Variants in COL23A1 observed in about 807,000 individuals in gnomAD.
The protein encoded by COL23A1 is collagen type XXIII alpha 1 chain.
A neutral mutation model predicts 99.3 loss-of-function variants in COL23A1; 97 were observed. The observed-to-expected ratio is 0.98, with a 90% confidence interval of 0.83 to 1.16. COL23A1 has a LOEUF of 1.16. Ranked by LOEUF, COL23A1 falls within the 50% of genes most tolerant of loss-of-function variation. The probability of loss-of-function intolerance (pLI) is 0.00; values close to 1 mark genes in which losing one functional copy is unlikely to be tolerated. For missense variants in COL23A1, 762 were observed against 757.4 expected, an observed-to-expected ratio of 1.01 and a Z score of -0.07; for synonymous variants, 320 against 308.2, an observed-to-expected ratio of 1.04 and a Z score of -0.40.
intron 2 of COL23A1, among the ~76,000 whole-genome samples, chr5:178,364,959 G>C (rs898578175): frequency 4.6e-5 from 7 of 152,190 alleles, no homozygotes; most frequent in Non-Finnish European, 5.9e-5. Context: ...TGGGCTCCGA[G>C]CTGCTCACTC....
intron 1 of COL23A1, among the ~76,000 whole-genome samples, chr5:178,570,999 A>G (rs1164151570): frequency 2.0e-5 from 3 of 152,142 alleles, no homozygotes. Flanking sequence ...GACAGCATTC[A>G]CACTGGGGCC....
At chr5:178,358,617 GTA>G (rs1453158693) in intron 2 of COL23A1, among the ~76,000 whole-genome samples, 76 of 147,714 alleles carry the variant, frequency 5.1e-4, no homozygotes, top group Middle Eastern at 7.8e-3. Context: ...ATGCGTGTAT[GTA>G]TGTGTGTATG....
chr5:178,305,922 C>T (rs1561845041), intron 3 of COL23A1, among the ~76,000 whole-genome samples: 1 of 152,106 alleles, frequency 6.6e-6, no homozygotes, highest in African/African-American at 2.4e-5. Flanking sequence ...TGCCTCCTCC[C>T]TGTGACGGGG....
intron 2 of COL23A1, among the ~76,000 whole-genome samples, chr5:178,457,603 C>T (rs1755863942): frequency 6.6e-6 from 1 of 152,122 alleles, no homozygotes; most frequent in Non-Finnish European, 1.5e-5. Context: ...GAATATTATG[C>T]CCCCATTAAA....
intron 2 of COL23A1, among the ~76,000 whole-genome samples, chr5:178,482,906 A>T (rs1757418425): frequency 6.6e-6 from 1 of 151,980 alleles, no homozygotes; most frequent in Non-Finnish European, 1.5e-5. Flanking sequence ...CATCTCAAAA[A>T]AAAAAGAAAA....
At chr5:178,506,334 G>A (rs1423885559) in intron 2 of COL23A1, among the ~76,000 whole-genome samples, 3 of 152,214 alleles carry the variant, frequency 2.0e-5, no homozygotes. Context: ...ACTGCAGCCT[G>A]CACACCAGGG....
At chr5:178,256,500 C>T (rs968615104) in intron 14 of COL23A1, 103 bp from the exon 15 acceptor site, 9 of 1,130,930 alleles carry the variant, frequency 8.0e-6, no homozygotes, top group East Asian at 2.6e-5. Flanking sequence ...GCCCAGGGCC[C>T]GAGTGCTGGA....
intron 9 of COL23A1, 106 bp downstream of exon 9, chr5:178,263,102 T>A (rs1309468047): frequency 2.5e-5 from 21 of 843,018 alleles, no homozygotes; most frequent in Non-Finnish European, 4.4e-5. Context: ...TTAAGGATAG[T>A]GTGGGGTCTG....
chr5:178,557,074 CG>C (rs535105115), intron 2 of COL23A1, among the ~76,000 whole-genome samples: 74 of 152,330 alleles, frequency 4.9e-4, no homozygotes, highest in Middle Eastern at 3.4e-3. Flanking sequence ...AAGGTGTCTG[CG>C]GGGCGGGCTC....
At chr5:178,425,353 T>C (rs147159501) in intron 2 of COL23A1, among the ~76,000 whole-genome samples, 10,035 of 151,384 alleles carry the variant, frequency 0.066, 1,029 homozygotes, top group East Asian at 0.49. Context: ...ACCCAGGAGG[T>C]GGAGGTTGCA....
intron 2 of COL23A1, among the ~76,000 whole-genome samples, chr5:178,364,536 T>G (rs1762358757): frequency 6.6e-6 from 1 of 151,126 alleles, no homozygotes; most frequent in African/African-American, 2.5e-5. Flanking sequence ...GAGGCCATGA[T>G]CATCCCTCAC....
intron 2 of COL23A1, among the ~76,000 whole-genome samples, chr5:178,448,937 CT>C (rs1321066505): frequency 1.3e-5 from 2 of 150,630 alleles, no homozygotes; most frequent in African/African-American, 2.4e-5. Flanking sequence ...ATAAACCATG[CT>C]TTTTTGTCAC....
At chr5:178,467,088 A>T (rs1756464633) in intron 2 of COL23A1, among the ~76,000 whole-genome samples, 1 of 152,256 alleles carries the variant, frequency 6.6e-6, no homozygotes, top group Non-Finnish European at 1.5e-5. Flanking sequence ...TAAGTTGGAG[A>T]AACTCGTGAG....
At position 178,252,566 on chromosome 5, in the gene COL23A1, G is replaced by A; in HGVS notation, c.992C>T (p.Pro331Leu). The change falls in exon 17 of 29, where the codon CCA becomes CTA. Residue 331 changes from proline (P) to leucine (L), a missense_variant. By Grantham distance (98) the Pro-to-Leu change is moderately conservative. Coordinates refer to ENST00000390654, the MANE Select transcript of COL23A1 (RefSeq NM_173465.4). ...GACCTTGGCTCCAGGGATCCCTGGT[G>A]GCCCTGGGGGCCCCTGTGGTCCGGG... ...GPPGPQGPPGPPGIPGAKGEL... is the reference protein window; with the variant it reads ...GPPGPQGPPGLPGIPGAKGEL... The A allele has an allele frequency of 6.2e-7, 1 of 1,611,930 alleles. No homozygotes were observed. Among genetic ancestry groups the A allele is most frequent in the Non-Finnish European group, 8.5e-7 (1 of 1,179,172 alleles).
At chr5:178,555,288 A>AC (rs1762207224) in intron 2 of COL23A1, among the ~76,000 whole-genome samples, 1 of 152,180 alleles carries the variant, frequency 6.6e-6, no homozygotes, top group African/African-American at 2.4e-5. Context: ...GAGGGTTAGG[A>AC]CTTCAAGATA....
intron 2 of COL23A1, among the ~76,000 whole-genome samples, chr5:178,497,195 G>A (rs1758242555): frequency 6.6e-6 from 1 of 152,152 alleles, no homozygotes; most frequent in South Asian, 2.1e-4. Flanking sequence ...ACAAAACCAT[G>A]AGCTGTGCAG....
At chr5:178,241,816 T>C (rs1295107635) in intron 27 of COL23A1, among the ~76,000 whole-genome samples, 1 of 152,220 alleles carries the variant, frequency 6.6e-6, no homozygotes, top group Non-Finnish European at 1.5e-5. Context: ...ACAGAGGGGC[T>C]GGGTTCCCTG....
rs1267379014 is a variant in COL23A1, at chr5:178,518,447, G to C, written c.361+42235C>G. Among the ~76,000 whole-genome samples the C allele has an allele frequency of 1.1e-4, 16 of 148,856 alleles. 1 individual carries two copies. In the South Asian group the frequency reaches 3.4e-3, roughly 32 times the overall value. On this transcript the variant is annotated intron_variant, in intron 2 of 28. Transcript: ENST00000390654. The stretch of plus-strand genomic sequence containing the variant: ...AGACGGGGTGGTGGCCGGGCAGAGG[G>C]GCTCCTCACTTCCCAGTAGGGGCGG...
intron 24 of COL23A1, 128 bp downstream of exon 24, chr5:178,246,126 A>G: frequency 7.5e-7 from 1 of 1,325,450 alleles, no homozygotes; most frequent in South Asian, 1.2e-5. Flanking sequence ...CCTGGCATCC[A>G]CAGAGCCTGA....
Sources: gnomAD v4.1 joint callset for allele counts (sites outside exome capture counted in the v4.1 genomes callset) on GRCh38, gnomAD v4.1.1 for gene constraint, MANE v1.5 for transcripts, NCBI Gene and HGNC (gene_info 2026-07-23, HGNC 2026-07-21) for gene names.